The following SERPINC1 variants were observed in gnomAD, a reference collection of about 807,000 sequenced individuals.
SERPINC1 encodes the protein antithrombin-III.
Under a neutral mutation model 43.4 loss-of-function variants are expected in SERPINC1, and 12 were observed. The observed-to-expected ratio is 0.28, with a 90% CI of 0.18 to 0.45. The LOEUF (loss-of-function observed/expected upper bound fraction) is 0.45. Among genes scored for constraint, SERPINC1 ranks in the 20% least tolerant of loss-of-function variants. SERPINC1 has a pLI of 1.00. For missense variants in SERPINC1, 423 were observed against 578.8 expected (o/e 0.73, Z 2.76); for synonymous variants, 210 against 218.9 (o/e 0.96, Z 0.36).
intron 4 of SERPINC1, 101 bp from the exon 5 acceptor site, chr1:173,910,043 T>C (rs1276446759): frequency 8.1e-7 from 1 of 1,231,268 alleles, no homozygotes; most frequent in African/African-American, 1.5e-5. Context: ...ATATAATTAT[T>C]CGGAAAAAAG....
chr1:173,913,294 G>A (rs1557903659), intron 2 of SERPINC1, among the ~76,000 whole-genome samples: 1 of 152,104 alleles, frequency 6.6e-6, no homozygotes, highest in East Asian at 1.9e-4. Flanking sequence ...AGCCCCAGAG[G>A]CCAACAGTGA....
chr1:173,908,026 T>TAATAATAAA lies in SERPINC1; in HGVS notation c.1154-513_1154-512insTTTATTATT, dbSNP rs1355692001. On this transcript the variant is annotated intron_variant, in intron 5 of 6. Coordinates refer to ENST00000367698, the MANE Select transcript of SERPINC1 (RefSeq NM_000488.4). ...ATAATAATAATAATAATAATAATAATAAAAGTACTTTGGGCTTGTTCAGCA... is the reference window on the plus strand; with the variant it reads ...ATAATAATAATAATAATAATAATAATAATAATAAAAAAAGTACTTTGGGCTTGTTCAGCA... 1.9e-3 allele frequency among the ~76,000 whole-genome samples: 273 copies of TAATAATAAA among 142,860 alleles called. 1 individual carries two copies. The highest frequency in any genetic ancestry group is 6.6e-3 in the African/African-American group (253 of 38,188). 93.7% of individuals were successfully genotyped at this position (142,860 alleles called of 152,430 possible). A position where few individuals can be genotyped will look rare whatever the true frequency, so the allele number is the denominator to read the frequency against.
At chr1:173,910,037 A>G (rs1489433476) in intron 4 of SERPINC1, 95 bp from the exon 5 acceptor site, 2 of 1,262,190 alleles carry the variant, frequency 1.6e-6, no homozygotes, top group Admixed American at 3.8e-5. Context: ...ATTAATATAT[A>G]ATTATTCGGA....
chr1:173,904,017 C>T lies in SERPINC1; in HGVS notation c.1267G>A (p.Ala423Thr), dbSNP rs1008874845. The change falls in exon 7 of 7, where the codon GCT becomes ACT. Residue 423 changes from alanine (A) to threonine (T), a missense_variant. Coordinates refer to ENST00000367698, the MANE Select transcript of SERPINC1 (RefSeq NM_000488.4). Reference protein sequence around the residue: ...EAAASTAVVIAGRSLNPNRVT... With the variant: ...EAAASTAVVITGRSLNPNRVT... ...CTGTTGGGGTTTAGCGAACGGCCAG[C>T]AATCACAACAGCGGTACTTGCAGCT... 5.0e-6 allele frequency: 8 copies of T among 1,614,198 alleles called. No homozygotes were observed. The highest frequency in any genetic ancestry group is 1.6e-4 in the Middle Eastern group (1 of 6,062).
chr1:173,907,937 C>T (rs971543068), intron 5 of SERPINC1, among the ~76,000 whole-genome samples: 1 of 150,510 alleles, frequency 6.6e-6, no homozygotes, highest in African/African-American at 2.4e-5. Context: ...GCCAAGATCA[C>T]GCCACTGCAC....
chr1:173,912,741 T>C (rs1195838140), intron 2 of SERPINC1, among the ~76,000 whole-genome samples: 1 of 152,104 alleles, frequency 6.6e-6, no homozygotes, highest in Middle Eastern at 3.2e-3. Context: ...ATCTCTCTTT[T>C]CTCCAGAGAG....
chr1:173,912,737 CT>C (rs1266112810), intron 2 of SERPINC1, among the ~76,000 whole-genome samples: 1 of 152,140 alleles, frequency 6.6e-6, no homozygotes, highest in Non-Finnish European at 1.5e-5. Flanking sequence ...CTGAATCTCT[CT>C]TTTCTCCAGA....
rs201173090 is a variant in SERPINC1 at position 173,909,323 on chromosome 1, C to T, written c.1153+229G>A. 1.2e-4 allele frequency among the ~76,000 whole-genome samples: 19 copies of T among 152,302 alleles called. No homozygotes were observed. The East Asian group carries it at 3.7e-3, about 29-fold the overall frequency. ...CTCTACCTGATACAGACTCACAGGG[C>T]ACCAGTGCTAGCTGGGCCCATGGAG... On this transcript the variant is annotated intron_variant, in intron 5 of 6. Transcript: ENST00000367698.
intron 6 of SERPINC1, among the ~76,000 whole-genome samples, chr1:173,907,174 C>T (rs575474866): frequency 6.6e-6 from 1 of 152,074 alleles, no homozygotes; most frequent in Non-Finnish European, 1.5e-5. Flanking sequence ...TCTGGTTCTC[C>T]TCATGCTGTA....
chr1:173,904,096 T>A, intron 6 of SERPINC1, 31 bp from the exon 7 acceptor site: 1 of 1,606,202 alleles, frequency 6.2e-7, no homozygotes, highest in Non-Finnish European at 8.5e-7. Flanking sequence ...AAAACTAAAT[T>A]AGCCACTCTG....
rs578203617 is a variant in SERPINC1, at chr1:173,914,548, C to G, written c.408+5G>C. On this transcript the variant is annotated splice_donor_5th_base_variant and intron_variant, in intron 2 of 6. Coordinates refer to ENST00000367698, the MANE Select transcript of SERPINC1 (RefSeq NM_000488.4). The stretch of plus-strand genomic sequence containing the variant: ...GGTGGCTGGGCAGAAGACCTTTGGT[C>G]GTACCTCCATCAGTTGCTGGAGGGT... 36 of 1,613,844 alleles carry G rather than the reference C, an allele frequency of 2.2e-5. No individual in the cohort carries two copies. In the Admixed American group the frequency reaches 3.3e-4, roughly 15 times the overall value.
intron 6 of SERPINC1, among the ~76,000 whole-genome samples, chr1:173,906,842 G>T (rs1657537571): frequency 6.6e-6 from 1 of 152,148 alleles, no homozygotes; most frequent in Non-Finnish European, 1.5e-5. Flanking sequence ...GGTTGGCCGG[G>T]TGCAGTGGCT....
rs2102784802 is a variant in SERPINC1 at position 173,910,893 on chromosome 1, T to C, written c.625-2A>G. On this transcript the variant is annotated splice_acceptor_variant, in intron 3 of 6. Coordinates refer to ENST00000367698, the MANE Select transcript of SERPINC1 (RefSeq NM_000488.4). LOFTEE classifies it high-confidence loss of function. ...CGCTCTGGATTGCTCTGCATTTTCC[T>C]GAGGAGAACAGAAAATAAACCTACT... The C allele has an allele frequency of 6.2e-7, 1 of 1,614,218 alleles. No individual in the cohort carries two copies. Among genetic ancestry groups the C allele is most frequent in the Non-Finnish European group, 8.5e-7 (1 of 1,180,038 alleles).
chr1:173,912,698 G>A (rs771506043), intron 2 of SERPINC1, among the ~76,000 whole-genome samples: 1 of 152,020 alleles, frequency 6.6e-6, no homozygotes, highest in Non-Finnish European at 1.5e-5. Flanking sequence ...TTTTAGGGGG[G>A]GATTATGCTT....
At chr1:173,909,210 G>A (rs1028473875) in intron 5 of SERPINC1, among the ~76,000 whole-genome samples, 4 of 152,040 alleles carry the variant, frequency 2.6e-5, no homozygotes, top group African/African-American at 9.7e-5. Flanking sequence ...CTGTGTAATG[G>A]GAACCACATT....
At chr1:173,911,064 T>C (rs1657752167) in intron 3 of SERPINC1, among the ~76,000 whole-genome samples, 173 bp from the exon 4 acceptor site, 1 of 152,016 alleles carries the variant, frequency 6.6e-6, no homozygotes, top group South Asian at 2.1e-4. Context: ...TATAGTTCCA[T>C]GAATCTTTCC....
At chr1:173,916,118 G>T (rs1657979336) in intron 1 of SERPINC1, among the ~76,000 whole-genome samples, 2 of 152,208 alleles carry the variant, frequency 1.3e-5, no homozygotes, top group Non-Finnish European at 2.9e-5. Flanking sequence ...GAAGGTAAAT[G>T]AAGCTAATTT....
chr1:173,907,081 C>G (rs935606220), intron 6 of SERPINC1, among the ~76,000 whole-genome samples: 2 of 151,732 alleles, frequency 1.3e-5, no homozygotes, highest in Non-Finnish European at 2.9e-5. Context: ...CACCATTGCA[C>G]TCTAGCCTGG....
chr1:173,916,352 T>C (rs1165177185), intron 1 of SERPINC1, among the ~76,000 whole-genome samples: 1 of 152,128 alleles, frequency 6.6e-6, no homozygotes, highest in Non-Finnish European at 1.5e-5. Flanking sequence ...ACGGACGTGG[T>C]CCGTTGGGCA....
Sources: gnomAD v4.1 joint callset for allele counts (sites outside exome capture counted in the v4.1 genomes callset) on GRCh38, gnomAD v4.1.1 for gene constraint, MANE v1.5 for transcripts, NCBI Gene and HGNC (gene_info 2026-07-23, HGNC 2026-07-21) for gene names.